The following ASIC2 variants were observed in gnomAD, a reference collection of about 807,000 sequenced individuals.
ASIC2 encodes acid-sensing ion channel 2.
Under a neutral mutation model 57.3 loss-of-function variants are expected in ASIC2, and 25 were observed. That is an observed-to-expected ratio of 0.44 (90% CI 0.32 to 0.61). The LOEUF is 0.61. Ranked by LOEUF, ASIC2 falls within the 20% of genes least tolerant of loss-of-function variation. The pLI is 0.06. For missense variants in ASIC2, 641 were observed against 738.1 expected (o/e 0.87, Z 1.52); for synonymous variants, 319 against 307.5 (o/e 1.04, Z -0.39).
chr17:33,626,472 C>A (rs929251013), intron 1 of ASIC2, among the ~76,000 whole-genome samples: 1 of 152,140 alleles, frequency 6.6e-6, no homozygotes, highest in South Asian at 2.1e-4. Flanking sequence ...AGGCTATTTA[C>A]ATTTTTTCTA....
intron 1 of ASIC2, among the ~76,000 whole-genome samples, chr17:33,677,763 G>C (rs1391177809): frequency 6.6e-6 from 1 of 152,198 alleles, no homozygotes; most frequent in Non-Finnish European, 1.5e-5. Flanking sequence ...GAAGTTCGAA[G>C]TAAGAGTTGT....
chr17:33,552,571 T>C (rs10445387), intron 1 of ASIC2, among the ~76,000 whole-genome samples: 34,563 of 152,196 alleles, frequency 0.23, 4,698 homozygotes, highest in Non-Finnish European at 0.31. Flanking sequence ...TTTCCTACTT[T>C]GCAAAAGGAA....
chr17:33,651,015 A>C (rs1218439128), intron 1 of ASIC2, among the ~76,000 whole-genome samples: 1 of 152,232 alleles, frequency 6.6e-6, no homozygotes, highest in Non-Finnish European at 1.5e-5. Flanking sequence ...TCTCTGCATT[A>C]TCTCTTATTA....
chr17:33,612,369 T>G (rs1020547965), intron 1 of ASIC2, among the ~76,000 whole-genome samples: 2 of 152,142 alleles, frequency 1.3e-5, no homozygotes, highest in Admixed American at 6.5e-5. Context: ...GAACTGATGC[T>G]CTGCAAGGGC....
chr17:33,292,945 T>A lies in ASIC2; in HGVS notation c.-830A>T, dbSNP rs1905563744. 5.1e-6 allele frequency: 5 copies of A among 985,402 alleles called. No homozygotes were observed. In the South Asian group the frequency reaches 2.3e-4, roughly 46 times the overall value. 61.0% of individuals were successfully genotyped at this position (985,402 alleles called of 1,614,324 possible). ...CGCCGCCGGGGTCCTTCAAGGATGC[T>A]AGCCGCAGGGAAGTGTCGCTTCTCG... On this transcript the variant is annotated 5_prime_UTR_variant, in exon 1 of 10. Coordinates refer to ENST00000225823, the MANE Select transcript of ASIC2 (RefSeq NM_183377.2).
intron 1 of ASIC2, among the ~76,000 whole-genome samples, chr17:34,075,611 TGAA>T (rs777168872): frequency 8.9e-4 from 135 of 152,146 alleles, no homozygotes; most frequent in Non-Finnish European, 1.5e-3. Context: ...TGGCACCACA[TGAA>T]GAAGAAGCTA....
chr17:33,913,202 T>C (rs1201414335), intron 1 of ASIC2, among the ~76,000 whole-genome samples: 3 of 152,056 alleles, frequency 2.0e-5, no homozygotes, highest in Non-Finnish European at 4.4e-5. Flanking sequence ...TGAAATGACA[T>C]AAAGTGTGTA....
intron 4 of ASIC2, among the ~76,000 whole-genome samples, chr17:33,026,792 C>T (rs915103730): frequency 3.9e-5 from 6 of 152,068 alleles, no homozygotes; most frequent in African/African-American, 1.4e-4. Context: ...TTTCCTTTAC[C>T]AAGCTCTAAA....
chr17:33,956,821 C>T (rs1904749212), intron 1 of ASIC2, among the ~76,000 whole-genome samples: 1 of 152,162 alleles, frequency 6.6e-6, no homozygotes, highest in African/African-American at 2.4e-5. Flanking sequence ...TGACCTGGTC[C>T]CCAGCTAGAT....
chr17:33,888,895 TA>T (rs1914894300), intron 1 of ASIC2, among the ~76,000 whole-genome samples: 1 of 152,108 alleles, frequency 6.6e-6, no homozygotes, highest in East Asian at 1.9e-4. Context: ...GTCCACAGTA[TA>T]ATAACGTAGG....
chr17:33,388,535 G>T (rs1272177366), intron 1 of ASIC2, among the ~76,000 whole-genome samples: 5 of 152,172 alleles, frequency 3.3e-5, no homozygotes, highest in African/African-American at 1.2e-4. Context: ...CTTCTCATGT[G>T]TGCATATTCA....
At chr17:34,046,351 G>C (rs1908335034) in intron 1 of ASIC2, among the ~76,000 whole-genome samples, 1 of 152,202 alleles carries the variant, frequency 6.6e-6, no homozygotes, top group African/African-American at 2.4e-5. Context: ...TACAAAGGCT[G>C]GTGACTATAG....
intron 1 of ASIC2, among the ~76,000 whole-genome samples, chr17:33,271,276 TTC>T (rs993991781): frequency 1.3e-5 from 2 of 152,150 alleles, no homozygotes; most frequent in African/African-American, 2.4e-5. Context: ...CCTGCTGCTC[TTC>T]TCTGTCAACA....
At chr17:33,865,752 AAAAAAAT>A (rs1914216782) in intron 1 of ASIC2, among the ~76,000 whole-genome samples, 2 of 93,626 alleles carry the variant, frequency 2.1e-5, no homozygotes, top group Admixed American at 1.2e-4. Flanking sequence ...GTATAATAAA[AAAAAAAT>A]AAAAAAAAAA....
At chr17:33,607,352 T>C (rs1905255990) in intron 1 of ASIC2, among the ~76,000 whole-genome samples, 1 of 151,972 alleles carries the variant, frequency 6.6e-6, no homozygotes, top group Admixed American at 6.5e-5. Flanking sequence ...AAACTCACAT[T>C]AGGGACCACC....
At chr17:33,627,611 T>A (rs1332684896) in intron 1 of ASIC2, among the ~76,000 whole-genome samples, 2 of 152,210 alleles carry the variant, frequency 1.3e-5, no homozygotes, top group Non-Finnish European at 2.9e-5. Flanking sequence ...CCCCTGAAGG[T>A]GAGGCCCTGC....
At chr17:33,207,814 G>A (rs1210781066) in intron 1 of ASIC2, among the ~76,000 whole-genome samples, 1 of 152,180 alleles carries the variant, frequency 6.6e-6, no homozygotes, top group African/African-American at 2.4e-5. Flanking sequence ...CCCTTCAGGT[G>A]GGAGAACTCC....
intron 1 of ASIC2, among the ~76,000 whole-genome samples, chr17:33,355,400 G>T (rs1908336851): frequency 6.6e-6 from 1 of 150,944 alleles, no homozygotes; most frequent in Non-Finnish European, 1.5e-5. Context: ...CAGAGAAGCA[G>T]TCTGGGGGTC....
chr17:33,395,589 CATCTGTCCATCCATCT>C (rs1308748550), intron 1 of ASIC2, among the ~76,000 whole-genome samples: 1 of 152,178 alleles, frequency 6.6e-6, no homozygotes, highest in Non-Finnish European at 1.5e-5. Context: ...TATCACCATC[CATCTGTCCATCCATCT>C]ATTTGTCCAT....
Sources: gnomAD v4.1 joint callset for allele counts (sites outside exome capture counted in the v4.1 genomes callset) on GRCh38, gnomAD v4.1.1 for gene constraint, MANE v1.5 for transcripts, NCBI Gene and HGNC (gene_info 2026-07-23, HGNC 2026-07-21) for gene names.